PTPRD: variants seen among roughly 807,000 people sequenced by gnomAD.
PTPRD encodes the protein receptor-type tyrosine-protein phosphatase delta.
Under a neutral mutation model 214.5 loss-of-function variants are expected in PTPRD, and 34 were observed. The ratio of observed to expected loss-of-function variants is 0.16; its 90% CI spans 0.12 to 0.21. The LOEUF is 0.21. PTPRD is among the 10% of genes least tolerant of loss of function. The probability of loss-of-function intolerance (pLI) is 1.00; values close to 1 mark genes in which losing one functional copy is unlikely to be tolerated. For synonymous variants in PTPRD, 1,128 were observed against 845.7 expected (o/e 1.33, Z -5.79); for missense variants, 2,545 against 2,398.7 (o/e 1.06, Z -1.27).
intron 2 of PTPRD, among the ~76,000 whole-genome samples, chr9:10,539,343 C>T (rs12380836): frequency 0.18 from 26,972 of 152,046 alleles, 2,870 homozygotes; most frequent in Admixed American, 0.28. Flanking sequence ...CGCCATCATG[C>T]CGGGCTAATT....
At chr9:10,305,968 C>A (rs111789960) in intron 3 of PTPRD, among the ~76,000 whole-genome samples, 5,860 of 152,092 alleles carry the variant, frequency 0.039, 403 homozygotes, top group African/African-American at 0.13. Context: ...AAGACATATA[C>A]ACATATATGT....
intron 5 of PTPRD, among the ~76,000 whole-genome samples, chr9:9,785,680 C>A (rs1006921094): frequency 1.3e-5 from 2 of 151,974 alleles, no homozygotes; most frequent in African/African-American, 4.8e-5. Context: ...GGTGCTGGAA[C>A]AGAAAAAGAA....
chr9:10,239,627 G>T (rs1052136371), intron 3 of PTPRD, among the ~76,000 whole-genome samples: 7 of 149,576 alleles, frequency 4.7e-5, no homozygotes, highest in African/African-American at 1.7e-4. Flanking sequence ...TAATAATAAT[G>T]AACGTTTTAT....
chr9:10,027,598 A>G (rs1262354922), intron 4 of PTPRD, among the ~76,000 whole-genome samples: 1 of 152,236 alleles, frequency 6.6e-6, no homozygotes, highest in East Asian at 1.9e-4. Flanking sequence ...AGCATTTGTT[A>G]TAACAATATA....
At chr9:10,430,926 T>G (rs2098671582) in intron 2 of PTPRD, among the ~76,000 whole-genome samples, 1 of 151,938 alleles carries the variant, frequency 6.6e-6, no homozygotes, top group African/African-American at 2.4e-5. Context: ...ATTTTAAGCT[T>G]TTATACACTT....
chr9:9,164,199 A>T (rs917152437), intron 10 of PTPRD, among the ~76,000 whole-genome samples: 1 of 152,144 alleles, frequency 6.6e-6, no homozygotes, highest in Non-Finnish European at 1.5e-5. Context: ...CTTCTGGAGG[A>T]TATACAAGAT....
chr9:8,423,008 T>C (rs1048118614), intron 35 of PTPRD, among the ~76,000 whole-genome samples: 5 of 152,080 alleles, frequency 3.3e-5, no homozygotes, highest in African/African-American at 9.7e-5. Context: ...AGAACGGCAA[T>C]AGAAGAGACT....
chr9:10,575,459 AG>A (rs1206300575), intron 2 of PTPRD, among the ~76,000 whole-genome samples: 10 of 152,188 alleles, frequency 6.6e-5, no homozygotes, highest in African/African-American at 2.2e-4. Flanking sequence ...GTAGAAAAGC[AG>A]TTGCAAAACA....
intron 11 of PTPRD, among the ~76,000 whole-genome samples, chr9:8,954,860 A>T (rs1016075571): frequency 2.0e-5 from 3 of 151,912 alleles, no homozygotes; most frequent in African/African-American, 7.2e-5. Flanking sequence ...TATTGAAAAT[A>T]ATCTGTGCAA....
chr9:9,496,139 A>C (rs974025702), intron 8 of PTPRD, among the ~76,000 whole-genome samples: 3 of 152,176 alleles, frequency 2.0e-5, no homozygotes, highest in Non-Finnish European at 4.4e-5. Flanking sequence ...ATGTGTCACA[A>C]CTTTTGATTT....
intron 11 of PTPRD, among the ~76,000 whole-genome samples, chr9:8,806,833 C>A (rs2096693854): frequency 6.6e-6 from 1 of 152,184 alleles, no homozygotes; most frequent in African/African-American, 2.4e-5. Context: ...CACACTCCCT[C>A]CACTTGGCTA....
At chr9:10,226,092 A>G (rs2154352605) in intron 3 of PTPRD, among the ~76,000 whole-genome samples, 1 of 152,162 alleles carries the variant, frequency 6.6e-6, no homozygotes, top group East Asian at 1.9e-4. Context: ...CCCAGCTGGA[A>G]TGCACAAGTC....
rs1170340173 is a variant in PTPRD at position 10,223,745 on chromosome 9, A to G, written c.-545+117218T>C. ...AGTAGTTAAACCACTGTATTCCATTAAAACAAACAATAAAACCTCTGGGTA... is the reference window on the plus strand; with the variant it reads ...AGTAGTTAAACCACTGTATTCCATTGAAACAAACAATAAAACCTCTGGGTA... On this transcript the variant is annotated intron_variant, in intron 3 of 45. Coordinates refer to ENST00000381196, the MANE Select transcript of PTPRD (RefSeq NM_002839.4). Among the ~76,000 whole-genome samples, 3 of 149,634 alleles carry G rather than the reference A, an allele frequency of 2.0e-5. No homozygotes were observed. The Admixed American group carries it at 2.0e-4, about 10-fold the overall frequency.
intron 8 of PTPRD, among the ~76,000 whole-genome samples, chr9:9,484,389 G>A (rs1276575372): frequency 6.6e-6 from 1 of 152,022 alleles, no homozygotes; most frequent in Admixed American, 6.6e-5. Flanking sequence ...TCAGGAAAAG[G>A]GAATGGGGTA....
intron 2 of PTPRD, among the ~76,000 whole-genome samples, chr9:10,454,494 T>A (rs548625172): frequency 6.6e-6 from 1 of 151,848 alleles, no homozygotes; most frequent in East Asian, 1.9e-4. Context: ...GTTCTCAGCA[T>A]CCACTTCTAC....
chr9:9,891,539 G>A (rs149047450), intron 5 of PTPRD, among the ~76,000 whole-genome samples: 361 of 152,102 alleles, frequency 2.4e-3, no homozygotes, highest in African/African-American at 8.2e-3. Context: ...CAACACATAT[G>A]AGCTTATTTT....
chr9:10,542,852 G>A (rs1202489429), intron 2 of PTPRD, among the ~76,000 whole-genome samples: 1 of 152,002 alleles, frequency 6.6e-6, no homozygotes, highest in African/African-American at 2.4e-5. Context: ...CTGAGTAGCT[G>A]GGATTACAGA....
At chr9:9,951,313 C>G (rs990323979) in intron 4 of PTPRD, among the ~76,000 whole-genome samples, 1 of 152,160 alleles carries the variant, frequency 6.6e-6, no homozygotes, top group African/African-American at 2.4e-5. Context: ...ATATTCTTAT[C>G]TCCTAAAATT....
chr9:9,532,064 T>C (rs2075598982), intron 8 of PTPRD, among the ~76,000 whole-genome samples: 1 of 152,044 alleles, frequency 6.6e-6, no homozygotes, highest in African/African-American at 2.4e-5. Context: ...GGTAAAAATA[T>C]GAGCATAAAT....
Sources: allele counts gnomAD v4.1 joint callset (sites outside exome capture counted in the v4.1 genomes callset), GRCh38; gene constraint gnomAD v4.1.1; transcripts MANE v1.5; gene names NCBI Gene and HGNC (gene_info 2026-07-23, HGNC 2026-07-21).